Variants in DOCK1 observed in about 807,000 individuals in gnomAD.
The protein encoded by DOCK1 is dedicator of cytokinesis 1.
Under a neutral mutation model 262.7 loss-of-function variants are expected in DOCK1, and 138 were observed. The ratio of observed to expected loss-of-function variants is 0.53; its 90% CI spans 0.46 to 0.61. DOCK1 has a LOEUF of 0.61. DOCK1 is among the 20% of genes least tolerant of loss of function. DOCK1 has a pLI of 0.00. For missense variants in DOCK1, 1,908 were observed against 2,370.7 expected (o/e 0.80, Z 4.05); for synonymous variants, 866 against 867.4 (o/e 1.00, Z 0.03).
intron 29 of DOCK1, among the ~76,000 whole-genome samples, chr10:127,280,009 C>CATATATATATATATATATAT (rs10525314): frequency 5.2e-4 from 60 of 114,304 alleles, no homozygotes; most frequent in Non-Finnish European, 6.6e-4. Flanking sequence ...AATTTTATTT[C>CATATATATATATATATATAT]ATATATATAT....
chr10:126,981,272 C>A (rs1195525199), intron 3 of DOCK1, among the ~76,000 whole-genome samples: 1 of 152,202 alleles, frequency 6.6e-6, no homozygotes, highest in Non-Finnish European at 1.5e-5. Context: ...CTTTCTGGCA[C>A]TTCACAGAAT....
At chr10:127,374,423 G>A (rs1017882954) in intron 35 of DOCK1, among the ~76,000 whole-genome samples, 4 of 152,158 alleles carry the variant, frequency 2.6e-5, no homozygotes, top group Non-Finnish European at 5.9e-5. Context: ...ATCTCTGGAC[G>A]TTTTAATGTC....
At position 127,148,503 on chromosome 10, in the gene DOCK1, C is replaced by T. The variant is rs978473270; in HGVS notation, c.2847+20739C>T. 3.1e-4 allele frequency among the ~76,000 whole-genome samples: 47 copies of T among 152,168 alleles called. 3 individuals carry two copies. ...TCATGAAAATGTACACATTAGAATTCAGGCCATTTTGTCGCAGTACTATGT... is the reference window on the plus strand; with the variant it reads ...TCATGAAAATGTACACATTAGAATTTAGGCCATTTTGTCGCAGTACTATGT... On this transcript the variant is annotated intron_variant, in intron 27 of 51. Coordinates refer to ENST00000623213, the MANE Select transcript of DOCK1 (RefSeq NM_001290223.2).
intron 1 of DOCK1, among the ~76,000 whole-genome samples, chr10:126,948,686 C>G (rs1165558735): frequency 6.6e-6 from 1 of 151,942 alleles, no homozygotes; most frequent in Non-Finnish European, 1.5e-5. Context: ...TCCCAGGAAT[C>G]CTCACCTCTC....
chr10:127,164,557 A>G (rs1014768733), intron 27 of DOCK1, among the ~76,000 whole-genome samples: 2 of 152,174 alleles, frequency 1.3e-5, no homozygotes, highest in South Asian at 2.1e-4. Context: ...TCACAGAGCC[A>G]TCATGCATGA....
At chr10:127,317,613 G>A (rs1010859798) in intron 29 of DOCK1, among the ~76,000 whole-genome samples, 1 of 152,200 alleles carries the variant, frequency 6.6e-6, no homozygotes, top group Non-Finnish European at 1.5e-5. Flanking sequence ...ATAATACTGA[G>A]CAGGCAATTC....
At chr10:127,131,370 A>C (rs1056082389) in intron 27 of DOCK1, among the ~76,000 whole-genome samples, 18 of 152,184 alleles carry the variant, frequency 1.2e-4, no homozygotes, top group African/African-American at 4.3e-4. Flanking sequence ...AGATCTGTAA[A>C]GAAGTAAAAA....
chr10:126,947,954 G>A (rs1173648753), intron 1 of DOCK1, among the ~76,000 whole-genome samples: 54 of 136,954 alleles, frequency 3.9e-4, no homozygotes, highest in South Asian at 7.1e-4. Context: ...TGGTGGTGGT[G>A]GTTGGTAGTA....
At chr10:127,397,647 G>A (rs983253727) in intron 38 of DOCK1, among the ~76,000 whole-genome samples, 3 of 151,714 alleles carry the variant, frequency 2.0e-5, no homozygotes, top group Non-Finnish European at 2.9e-5. Context: ...CACGGGCAGC[G>A]ACTCCTATGT....
At chr10:127,252,371 G>T (rs1388753044) in intron 28 of DOCK1, among the ~76,000 whole-genome samples, 1 of 150,960 alleles carries the variant, frequency 6.6e-6, no homozygotes, top group African/African-American at 2.4e-5. Flanking sequence ...CTTTTGCTGT[G>T]CAGAAGCTCT....
chr10:126,985,546 A>G (rs1468641318), intron 4 of DOCK1, among the ~76,000 whole-genome samples: 1 of 152,176 alleles, frequency 6.6e-6, no homozygotes, highest in Non-Finnish European at 1.5e-5. Flanking sequence ...CTGAGGCCCT[A>G]TTCACATGGT....
intron 2 of DOCK1, among the ~76,000 whole-genome samples, chr10:126,976,070 G>A (rs1197820744): frequency 2.0e-5 from 3 of 152,208 alleles, no homozygotes; most frequent in Non-Finnish European, 4.4e-5. Context: ...AAGGACAGTT[G>A]TTGAAACTGA....
At chr10:127,145,844 G>A (rs1024793767) in intron 27 of DOCK1, 14 of 355,178 alleles carry the variant, frequency 3.9e-5, no homozygotes, top group Admixed American at 3.6e-4. Context: ...CATCACACAC[G>A]GAAACCATTA....
intron 32 of DOCK1, among the ~76,000 whole-genome samples, chr10:127,359,404 C>T (rs2064302395): frequency 6.6e-6 from 1 of 152,206 alleles, no homozygotes; most frequent in Admixed American, 6.5e-5. Context: ...CAGCTTGGAA[C>T]AATAAAACCT....
intron 10 of DOCK1, among the ~76,000 whole-genome samples, chr10:127,005,255 T>A (rs1008995548): frequency 1.4e-4 from 22 of 152,026 alleles, no homozygotes; most frequent in African/African-American, 4.6e-4. Flanking sequence ...TTGCCTGAGC[T>A]TGGGAGGTTG....
chr10:127,302,520 T>TC lies in DOCK1; in HGVS notation c.3045-36481dup, dbSNP rs561159922. On this transcript the variant is annotated intron_variant, in intron 29 of 51. Coordinates refer to ENST00000623213, the MANE Select transcript of DOCK1 (RefSeq NM_001290223.2). ...CAATTTGAGGACAGCAAACATATTT[T>TC]CCCCCACACAATCCGTCATTGTCTG... Among the ~76,000 whole-genome samples the TC allele has an allele frequency of 2.4e-4, 36 of 152,126 alleles. No individual in the cohort carries two copies. In the East Asian group the frequency reaches 6.8e-3, roughly 29 times the overall value.
At chr10:127,362,911 A>G (rs373427178) in intron 33 of DOCK1, among the ~76,000 whole-genome samples, 1 of 6,606 alleles carries the variant, frequency 1.5e-4, no homozygotes, top group African/African-American at 5.5e-4. Flanking sequence ...GTACATCTCC[A>G]CACACACATA....
At chr10:127,133,378 C>CA (rs1352215797) in intron 27 of DOCK1, among the ~76,000 whole-genome samples, 2 of 151,984 alleles carry the variant, frequency 1.3e-5, no homozygotes, top group African/African-American at 4.8e-5. Context: ...AAATCATCTG[C>CA]AAAAAAATGT....
chr10:127,081,399 C>T (rs1202226163), intron 23 of DOCK1, among the ~76,000 whole-genome samples: 2 of 150,270 alleles, frequency 1.3e-5, no homozygotes, highest in African/African-American at 4.9e-5. Context: ...TTTGAGACTT[C>T]CTGCCTTTAG....
Sources: gnomAD v4.1 joint callset for allele counts (sites outside exome capture counted in the v4.1 genomes callset) on GRCh38, gnomAD v4.1.1 for gene constraint, MANE v1.5 for transcripts, NCBI Gene and HGNC (gene_info 2026-07-23, HGNC 2026-07-21) for gene names.